The following GLG1 variants were observed in gnomAD, a reference collection of about 807,000 sequenced individuals.
GLG1 encodes the protein golgi glycoprotein 1, also known as Golgi apparatus protein 1.
In GLG1, 38 loss-of-function variants were observed where a neutral mutation model predicts 160.5. The observed-to-expected ratio is 0.24, with a 90% confidence interval of 0.18 to 0.31. The LOEUF (loss-of-function observed/expected upper bound fraction) is 0.31, where lower values mean the gene tolerates loss of function less well. Among genes scored for constraint, GLG1 ranks in the 10% least tolerant of loss-of-function variants. The probability of loss-of-function intolerance (pLI) is 1.00; values close to 1 mark genes in which losing one functional copy is unlikely to be tolerated. For synonymous variants in GLG1, 644 were observed against 543.4 expected, an observed-to-expected ratio of 1.19 and a Z score of -2.57; for missense variants, 1,373 against 1,505.2, an observed-to-expected ratio of 0.91 and a Z score of 1.45.
chr16:74,518,387 A>G (rs117198026), intron 2 of GLG1, among the ~76,000 whole-genome samples: 3,652 of 152,272 alleles, frequency 0.024, 59 homozygotes, highest in Non-Finnish European at 0.033. Context: ...GTCCTCAAAA[A>G]TATCACCAGA....
rs2017382477 is a variant in GLG1, at chr16:74,527,633, C to T, written c.471+4488G>A. Among the ~76,000 whole-genome samples, 3 of 152,160 alleles carry T rather than the reference C, an allele frequency of 2.0e-5. No homozygotes were observed. The South Asian group carries it at 6.2e-4, about 31-fold the overall frequency. On this transcript the variant is annotated intron_variant, in intron 2 of 25. Transcript: ENST00000422840. ...TTCTAGTGCTCCTACTTCTCTGCTT[C>T]AATTTGTGATCCTTTTACCTTCAAG...
chr16:74,583,467 A>ATC, intron 1 of GLG1, among the ~76,000 whole-genome samples: 1 of 152,190 alleles, frequency 6.6e-6, no homozygotes, highest in East Asian at 1.9e-4. Context: ...TGCAACCTCC[A>ATC]TCTCCCGGGT....
rs920738304 is a variant in GLG1 at position 74,466,484 on chromosome 16, A to C, written c.2530-671T>G. Among the ~76,000 whole-genome samples, 22 of 152,352 alleles carry C rather than the reference A, an allele frequency of 1.4e-4. No individual in the cohort carries two copies. The East Asian group carries it at 4.2e-3, about 29-fold the overall frequency. ...GTGCAGCAGCTGGGGCTATCGCAGG[A>C]AGCCATGAGACTTCCGGGAAATCGT... is the stretch of plus-strand genomic sequence containing the variant. On this transcript the variant is annotated intron_variant, in intron 18 of 25. Coordinates refer to ENST00000422840, the MANE Select transcript of GLG1 (RefSeq NM_001145667.2).
intron 2 of GLG1, among the ~76,000 whole-genome samples, chr16:74,512,889 A>T (rs910740806): frequency 6.6e-6 from 1 of 152,176 alleles, no homozygotes; most frequent in Admixed American, 6.6e-5. Context: ...TCTTGGTAGC[A>T]GTCCAGTCAT....
intron 4 of GLG1, among the ~76,000 whole-genome samples, chr16:74,502,056 A>G (rs1452146974): frequency 6.6e-6 from 1 of 152,186 alleles, no homozygotes; most frequent in African/African-American, 2.4e-5. Flanking sequence ...CAGTTCCAGG[A>G]TCCTAACACC....
intron 13 of GLG1, chr16:74,472,672 TAA>T: frequency 1.3e-6 from 1 of 753,912 alleles, no homozygotes; most frequent in Non-Finnish European, 2.1e-6. Flanking sequence ...AAAAGTGAGG[TAA>T]AAACACATGT....
chr16:74,542,756 A>AGGAAG lies in GLG1; in HGVS notation c.439-10608_439-10604dup, dbSNP rs769651978. On this transcript the variant is annotated intron_variant, in intron 1 of 25. Transcript: ENST00000422840. ...AAGGGAGGAAGGAAGGAAGGAAGGAAGGAAGGAAGGAAGGAAGGAAGGAAG... is the reference window on the plus strand; with the variant it reads ...AAGGGAGGAAGGAAGGAAGGAAGGAAGGAAGGGAAGGAAGGAAGGAAGGAAGGAAG... 8.6e-3 allele frequency among the ~76,000 whole-genome samples: 450 copies of AGGAAG among 52,158 alleles called. 21 individuals carry two copies. The highest frequency in any genetic ancestry group is 0.032 in the East Asian group (66 of 2,058). The allele number at this position is 52,158 out of a possible 152,430, so 34.2% of individuals were successfully genotyped here.
chr16:74,533,478 C>A (rs773999722), intron 1 of GLG1, among the ~76,000 whole-genome samples: 4 of 152,086 alleles, frequency 2.6e-5, no homozygotes, highest in Non-Finnish European at 5.9e-5. Flanking sequence ...TAAAACACAC[C>A]ATAAGGCGGC....
Position 74,593,810 on chromosome 16 carries a change from T to C in GLG1, c.438+12847A>G, listed in dbSNP as rs567825931. On this transcript the variant is annotated intron_variant, in intron 1 of 25. Transcript: ENST00000422840. The stretch of plus-strand genomic sequence containing the variant: ...ACTTGTATTTCAATTGATGTAGAAC[T>C]TACATTCCTATTCTCCTGGTTAATT... 1.4e-3 allele frequency among the ~76,000 whole-genome samples: 219 copies of C among 152,304 alleles called. 1 individual carries two copies. The South Asian group carries it at 0.015, about 11-fold the overall frequency.
chr16:74,535,488 AGTG>A (rs1231667984), intron 1 of GLG1, among the ~76,000 whole-genome samples: 4 of 152,248 alleles, frequency 2.6e-5, no homozygotes, highest in African/African-American at 7.2e-5. Context: ...GCTGAAGGGC[AGTG>A]GCACCATTAT....
At chr16:74,597,206 G>A (rs1958326617) in intron 1 of GLG1, among the ~76,000 whole-genome samples, 1 of 151,846 alleles carries the variant, frequency 6.6e-6, no homozygotes, top group African/African-American at 2.4e-5. Context: ...GCCGAGGCGG[G>A]AGGATCACCA....
chr16:74,493,911 C>T (rs1210530501), intron 6 of GLG1, among the ~76,000 whole-genome samples: 2 of 152,056 alleles, frequency 1.3e-5, no homozygotes, highest in East Asian at 3.8e-4. Flanking sequence ...TATAAAATCA[C>T]ACTGAGGATT....
chr16:74,567,341 T>A (rs1272310834), intron 1 of GLG1, among the ~76,000 whole-genome samples: 1 of 152,136 alleles, frequency 6.6e-6, no homozygotes, highest in South Asian at 2.1e-4. Flanking sequence ...TGGCTCACAA[T>A]AGTTTCACTG....
chr16:74,503,976 C>G (rs181908723), intron 3 of GLG1, among the ~76,000 whole-genome samples: 18 of 152,224 alleles, frequency 1.2e-4, no homozygotes, highest in African/African-American at 4.8e-5. Flanking sequence ...CTAGAAAAAC[C>G]TGATTAATGT....
intron 2 of GLG1, among the ~76,000 whole-genome samples, chr16:74,531,825 A>C (rs1032113776): frequency 2.0e-5 from 3 of 152,234 alleles, no homozygotes; most frequent in Non-Finnish European, 4.4e-5. Context: ...GTAAATGAGA[A>C]AACTTTAAAA....
intron 13 of GLG1, among the ~76,000 whole-genome samples, chr16:74,473,101 T>C (rs984715709): frequency 5.9e-5 from 9 of 152,216 alleles, no homozygotes; most frequent in Admixed American, 6.5e-5. Context: ...AAAATGGTAG[T>C]TCCCCACTTC....
rs559147510 is a variant in GLG1 at position 74,472,703 on chromosome 16, T to C, written c.2053-292A>G. 7.3e-6 allele frequency: 4 copies of C among 544,318 alleles called. No homozygotes were observed. In the African/African-American group the frequency reaches 7.8e-5, roughly 11 times the overall value. The allele number at this position is 544,318 out of a possible 1,614,324, so 33.7% of individuals were successfully genotyped here. On this transcript the variant is annotated intron_variant, in intron 13 of 25. Transcript: ENST00000422840. ...CACATGTAGCAATAACATTAGAGTA[T>C]GCAAAGCCTTTGCAGATTTTCCCAA... is the stretch of plus-strand genomic sequence containing the variant.
chr16:74,595,998 C>T, intron 1 of GLG1, among the ~76,000 whole-genome samples: 1 of 151,924 alleles, frequency 6.6e-6, no homozygotes, highest in East Asian at 1.9e-4. Context: ...TGCCACATGC[C>T]CATAGTCGCA....
chr16:74,527,004 C>T (rs2017355925), intron 2 of GLG1, among the ~76,000 whole-genome samples: 1 of 152,102 alleles, frequency 6.6e-6, no homozygotes, highest in South Asian at 2.1e-4. Context: ...GTCATGATGG[C>T]TAAATACCAT....
Sources: allele counts gnomAD v4.1 joint callset (sites outside exome capture counted in the v4.1 genomes callset), GRCh38; gene constraint gnomAD v4.1.1; transcripts MANE v1.5; gene names NCBI Gene and HGNC (gene_info 2026-07-23, HGNC 2026-07-21).